TMTC2: variants seen among roughly 807,000 people sequenced by gnomAD.
TMTC2 encodes the protein transmembrane O-mannosyltransferase targeting cadherins 2.
In TMTC2, 43 loss-of-function variants were observed where a neutral mutation model predicts 82.4. That is an observed-to-expected ratio of 0.52 (90% CI 0.41 to 0.67). The LOEUF (loss-of-function observed/expected upper bound fraction) is 0.67. TMTC2 is among the 30% of genes least tolerant of loss of function. The pLI is 0.00. For synonymous variants in TMTC2, 408 were observed against 381.9 expected (o/e 1.07, Z -0.80); for missense variants, 919 against 1,012.4 (o/e 0.91, Z 1.25).
At chr12:82,797,507 G>A (rs751251427) in intron 1 of TMTC2, among the ~76,000 whole-genome samples, 54 of 152,210 alleles carry the variant, frequency 3.5e-4, no homozygotes, top group African/African-American at 1.2e-3. Context: ...GGTGTTTTAG[G>A]AAGCACTGTG....
intron 7 of TMTC2, among the ~76,000 whole-genome samples, chr12:82,985,107 T>G (rs1287523211): frequency 6.6e-6 from 1 of 152,096 alleles, no homozygotes; most frequent in Non-Finnish European, 1.5e-5. Flanking sequence ...CACCCAGGCT[T>G]GAGTGCAGTC....
intron 1 of TMTC2, among the ~76,000 whole-genome samples, chr12:82,789,262 A>G (rs1034964194): frequency 1.3e-5 from 2 of 152,136 alleles, no homozygotes; most frequent in African/African-American, 4.8e-5. Flanking sequence ...AATCATGACC[A>G]TCTAGAACTG....
intron 2 of TMTC2, among the ~76,000 whole-genome samples, chr12:82,883,817 A>T (rs1872956575): frequency 6.6e-6 from 1 of 152,176 alleles, no homozygotes; most frequent in Admixed American, 6.5e-5. Flanking sequence ...AAGAACAGGG[A>T]AAGGAGTTTA....
intron 1 of TMTC2, among the ~76,000 whole-genome samples, chr12:82,692,467 T>C (rs1342393280): frequency 6.6e-6 from 1 of 152,252 alleles, no homozygotes; most frequent in Non-Finnish European, 1.5e-5. Flanking sequence ...CCTCTGGTGG[T>C]ACAACTGTCT....
intron 11 of TMTC2, among the ~76,000 whole-genome samples, chr12:83,075,274 G>A (rs1363839013): frequency 6.6e-6 from 1 of 152,138 alleles, no homozygotes; most frequent in African/African-American, 2.4e-5. Context: ...AAGGGTCTGT[G>A]GGTCCTCTCA....
At chr12:82,979,377 A>G (rs1009882092) in intron 7 of TMTC2, among the ~76,000 whole-genome samples, 2 of 151,718 alleles carry the variant, frequency 1.3e-5, no homozygotes, top group Non-Finnish European at 3.0e-5. Context: ...AAGCTTGCAA[A>G]TAATATTTCA....
chr12:82,917,793 A>G lies in TMTC2; in HGVS notation c.1484-12638A>G, dbSNP rs369933903. Among the ~76,000 whole-genome samples, 158 of 152,170 alleles carry G rather than the reference A, an allele frequency of 1.0e-3. 1 individual carries two copies. Among genetic ancestry groups the G allele is most frequent in the East Asian group, 4.5e-3 (23 of 5,152 alleles). On this transcript the variant is annotated intron_variant, in intron 3 of 11. Transcript: ENST00000321196. ...ATTTTTTTGTATTTTTAGTAGAGAC[A>G]GGGTTTCACCGTGTTAGCCAGGATG... is the stretch of plus-strand genomic sequence containing the variant.
At chr12:83,106,172 A>C (rs1225240900) in intron 11 of TMTC2, among the ~76,000 whole-genome samples, 1 of 152,200 alleles carries the variant, frequency 6.6e-6, no homozygotes, top group Non-Finnish European at 1.5e-5. Flanking sequence ...AACAATGTAA[A>C]AAGATCTAAT....
At chr12:82,805,831 T>A (rs1226130741) in intron 1 of TMTC2, among the ~76,000 whole-genome samples, 2 of 152,086 alleles carry the variant, frequency 1.3e-5, no homozygotes, top group Non-Finnish European at 2.9e-5. Flanking sequence ...GAAAAAGCCC[T>A]TGGCCTTTCA....
chr12:82,971,203 G>A (rs1173878128), intron 7 of TMTC2, among the ~76,000 whole-genome samples: 1 of 152,064 alleles, frequency 6.6e-6, no homozygotes, highest in East Asian at 1.9e-4. Flanking sequence ...TTAGAACCAG[G>A]AGTATAGTTT....
intron 1 of TMTC2, among the ~76,000 whole-genome samples, chr12:82,770,492 G>C (rs901451942): frequency 6.6e-5 from 10 of 151,634 alleles, no homozygotes; most frequent in African/African-American, 2.2e-4. Flanking sequence ...AAGATGCGTT[G>C]ATTCTCAGAG....
intron 8 of TMTC2, among the ~76,000 whole-genome samples, chr12:83,026,143 G>A (rs1446520771): frequency 1.3e-5 from 2 of 152,090 alleles, no homozygotes; most frequent in African/African-American, 4.8e-5. Context: ...CTGGTGACCA[G>A]CCCCCATCCA....
At chr12:82,857,692 G>T (rs558164919) in intron 2 of TMTC2, 112 bp downstream of exon 2, 1 of 1,006,282 alleles carries the variant, frequency 9.9e-7, no homozygotes, top group Non-Finnish European at 1.4e-6. Context: ...TTTAAAATAA[G>T]TTCCTTTTTG....
At chr12:82,695,389 T>C (rs1872739145) in intron 1 of TMTC2, among the ~76,000 whole-genome samples, 1 of 152,224 alleles carries the variant, frequency 6.6e-6, no homozygotes, top group South Asian at 2.1e-4. Context: ...GCTTTTTTTG[T>C]TTTTATGTTA....
intron 1 of TMTC2, among the ~76,000 whole-genome samples, chr12:82,752,793 A>T (rs1396814777): frequency 6.6e-6 from 1 of 151,984 alleles, no homozygotes; most frequent in Non-Finnish European, 1.5e-5. Flanking sequence ...CTTCATAAAT[A>T]ATCAAGATTT....
intron 11 of TMTC2, among the ~76,000 whole-genome samples, chr12:83,114,966 GTCTC>G (rs1884708195): frequency 6.6e-6 from 1 of 151,838 alleles, no homozygotes; most frequent in African/African-American, 2.4e-5. Context: ...GAAAAAATGA[GTCTC>G]TGCTTGTATC....
At chr12:82,935,553 G>A (rs957898745) in intron 4 of TMTC2, among the ~76,000 whole-genome samples, 3 of 152,034 alleles carry the variant, frequency 2.0e-5, no homozygotes, top group African/African-American at 4.8e-5. Flanking sequence ...CAACCTCTTC[G>A]CTACACCACT....
chr12:82,836,565 C>G (rs1254534603), intron 1 of TMTC2, among the ~76,000 whole-genome samples: 1 of 152,114 alleles, frequency 6.6e-6, no homozygotes, highest in Non-Finnish European at 1.5e-5. Context: ...TAGATTCTCC[C>G]CTAGAGCCTC....
intron 9 of TMTC2, 57 bp from the exon 10 acceptor site, chr12:83,050,847 C>T: frequency 8.2e-7 from 1 of 1,224,732 alleles, no homozygotes; most frequent in Non-Finnish European, 1.2e-6. Flanking sequence ...TTAATAACAG[C>T]TTTATTGTTT....
Sources: gnomAD v4.1 joint callset for allele counts (sites outside exome capture counted in the v4.1 genomes callset) on GRCh38, gnomAD v4.1.1 for gene constraint, MANE v1.5 for transcripts, NCBI Gene and HGNC (gene_info 2026-07-23, HGNC 2026-07-21) for gene names.